FNDC3B: variants seen among roughly 807,000 people sequenced by gnomAD.
The protein encoded by FNDC3B is fibronectin type III domain-containing protein 3B.
FNDC3B carries 12 observed loss-of-function variants against 151.5 expected under a neutral mutation model. The ratio of observed to expected loss-of-function variants is 0.08; its 90% CI spans 0.05 to 0.13. The LOEUF is 0.13. Among genes scored for constraint, FNDC3B ranks in the 10% least tolerant of loss-of-function variants. FNDC3B has a pLI of 1.00. For missense variants in FNDC3B, 1,214 were observed against 1,505.3 expected (o/e 0.81, Z 3.20); for synonymous variants, 528 against 549.0 (o/e 0.96, Z 0.54).
chr3:172,319,414 T>C (rs1275639043), intron 11 of FNDC3B, among the ~76,000 whole-genome samples: 1 of 152,142 alleles, frequency 6.6e-6, no homozygotes, highest in Non-Finnish European at 1.5e-5. Flanking sequence ...AAAATTTTCT[T>C]TGTGTGTTTG....
intron 1 of FNDC3B, among the ~76,000 whole-genome samples, chr3:172,059,227 G>A (rs1717066157): frequency 2.0e-5 from 3 of 151,968 alleles, no homozygotes; most frequent in Admixed American, 6.5e-5. Context: ...ATATTTGGGA[G>A]CATTTTAAAA....
At chr3:172,340,276 G>T (rs1733229249) in intron 16 of FNDC3B, among the ~76,000 whole-genome samples, 1 of 132,078 alleles carries the variant, frequency 7.6e-6, no homozygotes, top group Admixed American at 9.1e-5. Flanking sequence ...ACCCCCGTAG[G>T]CATTTTTGTC....
chr3:172,334,839 G>T lies in FNDC3B; in HGVS notation c.1642-105G>T, dbSNP rs192889881. Reference sequence around the variant, plus strand: ...TTGAAAGAGAAAAAAATGTGTGTGTGTCTGAGTTTATGGGTGCCTTAATCT... The same window carrying T: ...TTGAAAGAGAAAAAAATGTGTGTGTTTCTGAGTTTATGGGTGCCTTAATCT... On this transcript the variant is annotated intron_variant, in intron 14 of 25. Transcript: ENST00000415807. 7 of 967,508 alleles carry T rather than the reference G, an allele frequency of 7.2e-6. No individual in the cohort carries two copies. The Admixed American group carries it at 9.5e-5, about 13-fold the overall frequency. 59.9% of individuals were successfully genotyped at this position (967,508 alleles called of 1,614,324 possible).
intron 22 of FNDC3B, among the ~76,000 whole-genome samples, chr3:172,357,418 G>C (rs1385368012): frequency 6.6e-6 from 1 of 152,194 alleles, no homozygotes; most frequent in Non-Finnish European, 1.5e-5. Context: ...CATGTTACTT[G>C]AGCTAAAGAG....
chr3:172,281,796 C>T (rs10936717), intron 6 of FNDC3B, among the ~76,000 whole-genome samples: 14,773 of 152,148 alleles, frequency 0.097, 789 homozygotes, highest in African/African-American at 0.14. Context: ...AAAGAAGCTA[C>T]CCTAAAGGCA....
chr3:172,298,833 G>A, intron 9 of FNDC3B, 46 bp downstream of exon 9: 2 of 1,432,734 alleles, frequency 1.4e-6, no homozygotes, highest in Non-Finnish European at 9.6e-7. Context: ...AATCCAGGTG[G>A]CTAAAGCAAA....
intron 6 of FNDC3B, among the ~76,000 whole-genome samples, chr3:172,275,343 G>T (rs547298980): frequency 2.3e-4 from 34 of 150,952 alleles, no homozygotes; most frequent in Admixed American, 2.2e-3. Flanking sequence ...GGCCTATGAT[G>T]AATGTCATGT....
At chr3:172,269,956 G>A (rs1420138459) in intron 6 of FNDC3B, among the ~76,000 whole-genome samples, 2 of 152,126 alleles carry the variant, frequency 1.3e-5, no homozygotes, top group African/African-American at 4.8e-5. Flanking sequence ...CTAAATCTGT[G>A]CTTTTTTATA....
At chr3:172,041,040 T>C (rs1216130196) in intron 1 of FNDC3B, among the ~76,000 whole-genome samples, 5 of 152,232 alleles carry the variant, frequency 3.3e-5, no homozygotes, top group Non-Finnish European at 7.3e-5. Context: ...TTAAAAGTTA[T>C]AACTTTTTGT....
At chr3:172,083,979 A>AT (rs879737542) in intron 1 of FNDC3B, among the ~76,000 whole-genome samples, 50 of 150,522 alleles carry the variant, frequency 3.3e-4, no homozygotes, top group African/African-American at 6.1e-4. Context: ...AGTAAAGGAA[A>AT]TTTTTTTTTT....
In FNDC3B at chr3:172,344,265, A is replaced by T. The variant is rs1204622069; in HGVS notation, c.2250+7A>T. 7 of 1,611,648 alleles carry T rather than the reference A, an allele frequency of 4.3e-6. No individual in the cohort carries two copies. In the Admixed American group the frequency reaches 6.7e-5, roughly 15 times the overall value. Reference sequence around the variant, plus strand: ...GGCTCTGAATGATGGAGGGGTGAGTATAAGCCCATACACCATAACCAGAAT... The same window carrying T: ...GGCTCTGAATGATGGAGGGGTGAGTTTAAGCCCATACACCATAACCAGAAT... On this transcript the variant is annotated splice_region_variant and intron_variant, in intron 19 of 25. Transcript: ENST00000415807.
chr3:172,290,760 A>C (rs1426729372), intron 7 of FNDC3B, among the ~76,000 whole-genome samples: 1 of 152,238 alleles, frequency 6.6e-6, no homozygotes, highest in Non-Finnish European at 1.5e-5. Flanking sequence ...AGGAATCATA[A>C]AAACAGATGA....
chr3:172,088,566 A>G (rs1267566959), intron 1 of FNDC3B, among the ~76,000 whole-genome samples: 1 of 152,252 alleles, frequency 6.6e-6, no homozygotes, highest in African/African-American at 2.4e-5. Context: ...TTTGCTGAAT[A>G]TAAATGTTTG....
At chr3:172,144,425 A>G (rs1721795786) in intron 3 of FNDC3B, among the ~76,000 whole-genome samples, 1 of 152,204 alleles carries the variant, frequency 6.6e-6, no homozygotes, top group South Asian at 2.1e-4. Context: ...GTTTTTCTCT[A>G]CCAGCGGTGT....
intron 1 of FNDC3B, among the ~76,000 whole-genome samples, chr3:172,075,961 C>T (rs1005062746): frequency 1.3e-5 from 2 of 152,124 alleles, no homozygotes; most frequent in African/African-American, 4.8e-5. Context: ...AGAACACATT[C>T]GTTTCTTCTT....
chr3:172,227,318 A>G (rs558991280), intron 4 of FNDC3B: 1 of 161,880 alleles, frequency 6.2e-6, no homozygotes, highest in South Asian at 1.9e-4. Context: ...GACATAGCTC[A>G]CATAAACAGG....
chr3:172,115,939 CT>C (rs1329059237), intron 2 of FNDC3B, among the ~76,000 whole-genome samples: 1 of 152,300 alleles, frequency 6.6e-6, no homozygotes, highest in East Asian at 1.9e-4. Flanking sequence ...TCCCACAGCC[CT>C]CCTCCTTCTG....
At chr3:172,280,558 G>A (rs954769853) in intron 6 of FNDC3B, among the ~76,000 whole-genome samples, 1 of 152,174 alleles carries the variant, frequency 6.6e-6, no homozygotes, top group African/African-American at 2.4e-5. Context: ...CTACAAATGA[G>A]CCTTGTGGAT....
At chr3:172,302,590 TCTC>T (rs1241439045) in intron 9 of FNDC3B, 2 of 152,232 alleles carry the variant, frequency 1.3e-5, no homozygotes, top group African/African-American at 4.8e-5. Flanking sequence ...TTTCTCCTAA[TCTC>T]CTAGTGGTGA....
Sources: gnomAD v4.1 joint callset for allele counts (sites outside exome capture counted in the v4.1 genomes callset) on GRCh38, gnomAD v4.1.1 for gene constraint, MANE v1.5 for transcripts, NCBI Gene and HGNC (gene_info 2026-07-23, HGNC 2026-07-21) for gene names.